The following MED27 variants were observed in gnomAD, a reference collection of about 807,000 sequenced individuals.
MED27 encodes mediator complex subunit 27.
A neutral mutation model predicts 38.2 loss-of-function variants in MED27; 30 were observed. That is an observed-to-expected ratio of 0.79 (90% CI 0.59 to 1.07). The LOEUF is 1.07. Among genes scored for constraint, MED27 ranks in the 50% least tolerant of loss-of-function variants. MED27 has a pLI of 0.00. For missense variants in MED27, 289 were observed against 397.5 expected, an observed-to-expected ratio of 0.73 and a Z score of 2.32; for synonymous variants, 122 against 153.5, an observed-to-expected ratio of 0.79 and a Z score of 1.52.
chr9:131,869,030 CT>C, intron 6 of MED27: 1 of 985,456 alleles, frequency 1.0e-6, no homozygotes, highest in African/African-American at 1.7e-5. Context: ...AACTCAGCCT[CT>C]TTTTCAAAAA....
At chr9:132,059,126 G>A (rs771318899) in intron 2 of MED27, among the ~76,000 whole-genome samples, 6 of 152,190 alleles carry the variant, frequency 3.9e-5, no homozygotes, top group Non-Finnish European at 8.8e-5. Context: ...GCAGAAAAAT[G>A]AAATTTAACT....
At chr9:131,863,774 C>T (rs1429685260) in intron 6 of MED27, among the ~76,000 whole-genome samples, 1 of 152,114 alleles carries the variant, frequency 6.6e-6, no homozygotes, top group Non-Finnish European at 1.5e-5. Flanking sequence ...GGTGTGGTCC[C>T]CTCACCAGCT....
At chr9:131,888,717 G>A (rs925140971) in intron 5 of MED27, among the ~76,000 whole-genome samples, 3 of 152,144 alleles carry the variant, frequency 2.0e-5, no homozygotes, top group Admixed American at 1.3e-4. Flanking sequence ...ATCAGTTTGG[G>A]TAGAATGCTG....
At chr9:132,026,695 T>G (rs184975794) in intron 2 of MED27, among the ~76,000 whole-genome samples, 3 of 152,282 alleles carry the variant, frequency 2.0e-5, no homozygotes, top group African/African-American at 4.8e-5. Flanking sequence ...CTGCCTAGAA[T>G]GTAAGCCCCG....
intron 4 of MED27, among the ~76,000 whole-genome samples, chr9:131,900,289 A>G (rs979649593): frequency 1.3e-5 from 2 of 152,260 alleles, no homozygotes; most frequent in African/African-American, 2.4e-5. Context: ...GGTCTTCTCT[A>G]TCTGCTTTTC....
At position 132,003,654 on chromosome 9, in the gene MED27, C is replaced by A. The variant is rs1267449127; in HGVS notation, c.479+10683G>T. ...ACATATCCACTCTGAGACTTCTACC[C>A]TCCCTGTGCTCATGAACAGTATCCC... On this transcript the variant is annotated intron_variant, in intron 3 of 7. Transcript: ENST00000292035. The surrounding 1 kb of genome is among the most constrained non-coding windows in gnomAD (Gnocchi z 4.2). Among the ~76,000 whole-genome samples the A allele has an allele frequency of 6.6e-6, 1 of 152,210 alleles. No individual in the cohort carries two copies. The highest frequency in any genetic ancestry group is 1.9e-4 in the East Asian group (1 of 5,192).
At chr9:131,912,706 A>ATGG (rs1337838728) in intron 4 of MED27, among the ~76,000 whole-genome samples, 1 of 152,208 alleles carries the variant, frequency 6.6e-6, no homozygotes, top group Non-Finnish European at 1.5e-5. Context: ...TCCACTCTTA[A>ATGG]ATTCCTTTTT....
chr9:132,046,526 G>A (rs1283025596), intron 2 of MED27, among the ~76,000 whole-genome samples: 1 of 152,126 alleles, frequency 6.6e-6, no homozygotes, highest in African/African-American at 2.4e-5. Flanking sequence ...TATAAAAGCT[G>A]AACAGAATAT....
intron 6 of MED27, among the ~76,000 whole-genome samples, chr9:131,882,471 A>T (rs1839064900): frequency 6.6e-6 from 1 of 152,242 alleles, no homozygotes; most frequent in Non-Finnish European, 1.5e-5. Flanking sequence ...TTTCACCTTG[A>T]TCTACAAAAG....
At chr9:131,920,104 C>T (rs772939735) in intron 4 of MED27, among the ~76,000 whole-genome samples, 1 of 152,166 alleles carries the variant, frequency 6.6e-6, no homozygotes, top group East Asian at 1.9e-4. Context: ...AGCCATCACA[C>T]CTGGCCTTAA....
chr9:131,960,166 T>C (rs1438655681), intron 3 of MED27, among the ~76,000 whole-genome samples: 1 of 152,204 alleles, frequency 6.6e-6, no homozygotes, highest in East Asian at 1.9e-4. Flanking sequence ...AACAATTATT[T>C]ACTTAAATGT....
chr9:132,037,828 T>C (rs1833114728), intron 2 of MED27, among the ~76,000 whole-genome samples: 1 of 152,126 alleles, frequency 6.6e-6, no homozygotes, highest in African/African-American at 2.4e-5. Context: ...GAGCTTTGGC[T>C]GACACACAAC....
intron 4 of MED27, among the ~76,000 whole-genome samples, chr9:131,922,963 C>G (rs557112341): frequency 6.6e-6 from 1 of 152,178 alleles, no homozygotes; most frequent in South Asian, 2.1e-4. Context: ...CCTTACTTTC[C>G]GGCACAGCAA....
At chr9:132,073,326 G>T in intron 2 of MED27, 2 of 988,938 alleles carry the variant, frequency 2.0e-6, no homozygotes, top group Non-Finnish European at 2.4e-6. Context: ...CACGAAAGGG[G>T]TTGTAAATTA....
rs1839072113 is a variant in MED27, at chr9:131,882,851, T to A, written c.723+1207A>T. On this transcript the variant is annotated intron_variant, in intron 6 of 7. Transcript: ENST00000292035. ...TTAGGCTTCCTTGCCTGTTGGAGTTTCCTCTGTGGCCCTGGCACCTAACAG... is the reference window on the plus strand; with the variant it reads ...TTAGGCTTCCTTGCCTGTTGGAGTTACCTCTGTGGCCCTGGCACCTAACAG... 2.0e-5 allele frequency among the ~76,000 whole-genome samples: 3 copies of A among 152,048 alleles called. No individual in the cohort carries two copies. In the South Asian group the frequency reaches 6.2e-4, roughly 32 times the overall value.
intron 3 of MED27, among the ~76,000 whole-genome samples, chr9:131,960,425 CAAG>C (rs1484030184): frequency 6.6e-6 from 1 of 152,102 alleles, no homozygotes; most frequent in East Asian, 1.9e-4. Flanking sequence ...CTCGTGCACA[CAAG>C]AAATATTTGA....
At position 131,929,755 on chromosome 9, in the gene MED27, T is replaced by C. The variant is rs991342669; in HGVS notation, c.573+9626A>G. 3.9e-5 allele frequency among the ~76,000 whole-genome samples: 6 copies of C among 152,260 alleles called. No individual in the cohort carries two copies. The East Asian group carries it at 7.7e-4, about 20-fold the overall frequency. ...AGTACCAGCTAGATTTCTAAGGTTT[T>C]TGACTCCAATCCCTGGCTCTCAGAC... On this transcript the variant is annotated intron_variant, in intron 4 of 7. Coordinates refer to ENST00000292035, the MANE Select transcript of MED27 (RefSeq NM_004269.4).
At chr9:132,017,477 C>T (rs2131081099) in intron 2 of MED27, among the ~76,000 whole-genome samples, 1 of 152,284 alleles carries the variant, frequency 6.6e-6, no homozygotes, top group South Asian at 2.1e-4. Flanking sequence ...CAAAAAGCAA[C>T]TTATCAAAGT....
chr9:131,976,710 G>C (rs528268510), intron 3 of MED27, among the ~76,000 whole-genome samples: 22 of 152,264 alleles, frequency 1.4e-4, no homozygotes, highest in Non-Finnish European at 2.4e-4. Flanking sequence ...TTCCTCATTT[G>C]CTTTAAGAAA....
Sources: gnomAD v4.1 joint callset for allele counts (sites outside exome capture counted in the v4.1 genomes callset) on GRCh38, gnomAD v4.1.1 for gene constraint, Gnocchi (gnomAD v3.1) non-coding constraint, MANE v1.5 for transcripts, NCBI Gene and HGNC (gene_info 2026-07-23, HGNC 2026-07-21) for gene names.